The following ITGB1BP2 variants were observed in gnomAD, a reference collection of about 807,000 sequenced individuals.
ITGB1BP2 encodes the protein integrin beta-1-binding protein 2.
In ITGB1BP2, 27 loss-of-function variants were observed where a neutral mutation model predicts 32.2. The observed-to-expected ratio is 0.84, with a 90% CI of 0.62 to 1.16. The LOEUF (loss-of-function observed/expected upper bound fraction) is 1.16, where lower values mean the gene tolerates loss of function less well. Among genes scored for constraint, ITGB1BP2 ranks in the 50% most tolerant of loss-of-function variants. The pLI is 0.00. For missense variants in ITGB1BP2, 250 were observed against 267.3 expected (o/e 0.94, Z 0.45); for synonymous variants, 105 against 94.7 (o/e 1.11, Z -0.63).
chrX:71,302,502 A>T lies in ITGB1BP2; in HGVS notation c.263A>T (p.Lys88Ile). Residue 88 changes from lysine to isoleucine, a missense_variant, in exon 4 of 11, where the codon AAA (lysine) becomes ATA (isoleucine). Coordinates refer to ENST00000373829, the MANE Select transcript of ITGB1BP2 (RefSeq NM_012278.4). ...PATSSSLQEQ[K>I]PLNVIPKSAE... ...ACAAGCAGTTCACTTCAGGAGCAAA[A>T]ACCTCTGAATGTGATTCCAAAGTCA... 8.3e-7 allele frequency: 1 copy of T among 1,210,687 alleles called. No homozygotes were observed. The highest frequency in any genetic ancestry group is 1.1e-6 in the Non-Finnish European group (1 of 895,113).
chrX:71,304,110 TCTC>T, intron 8 of ITGB1BP2, 74 bp from the exon 9 acceptor site: 2 of 829,614 alleles, frequency 2.4e-6, no homozygotes, highest in Non-Finnish European at 3.6e-6. Context: ...CTCTGTCTCT[TCTC>T]CACGTGCATC....
chrX:71,304,883 A>G (rs745395823), intron 10 of ITGB1BP2, 82 bp from the exon 11 acceptor site: 14 of 766,409 alleles, frequency 1.8e-5, no homozygotes, highest in Middle Eastern at 3.5e-4. Flanking sequence ...TCTCTCTCTC[A>G]TTTGTCACCA....
Position 71,304,522 on chromosome X carries a change from CT to C in ITGB1BP2, c.754-19del. The C allele has an allele frequency of 8.3e-7, 1 of 1,200,067 alleles. No homozygotes were observed. The highest frequency in any genetic ancestry group is 1.1e-6 in the Non-Finnish European group (1 of 886,596). On this transcript the variant is annotated intron_variant, in intron 9 of 10. Transcript: ENST00000373829. ...TGACCTTCTGGGTTTGTTACTACCC[CT>C]GTAATTCTTTTCTCTCAGCTTCATG...
Position 71,305,240 on chromosome X carries a change from G to A in ITGB1BP2, c.*48G>A, listed in dbSNP as rs1319954667. The A allele has an allele frequency of 1.2e-5, 12 of 1,042,213 alleles. No individual in the cohort carries two copies. Among genetic ancestry groups the A allele is most frequent in the Non-Finnish European group, 1.6e-5 (12 of 764,625 alleles). The allele number at this position is 1,042,213 out of a possible 1,213,427, so 85.9% of individuals were successfully genotyped here. On this transcript the variant is annotated 3_prime_UTR_variant, in exon 11 of 11. Transcript: ENST00000373829. ...AGATAGGACCTCAATGATTCCCTTA[G>A]AATCTTAGATACCAGGATATTGTTG...
chrX:71,303,524 A>AGAGTTTT lies in ITGB1BP2; in HGVS notation c.468+12_468+18dup, dbSNP rs2031649140. ...AACCCAGGATGTGATGCTGTGAGTG[A>AGAGTTTT]GAGTTTTGAGGGGCTCAAGCATATG... On this transcript the variant is annotated intron_variant, in intron 6 of 10. Transcript: ENST00000373829. The AGAGTTTT allele has an allele frequency of 2.5e-6, 3 of 1,208,670 alleles. No homozygotes were observed. The highest frequency in any genetic ancestry group is 3.4e-6 in the Non-Finnish European group (3 of 894,802).
Position 71,302,493 on chromosome X carries a change from A to T in ITGB1BP2, c.254A>T (p.Gln85Leu). 8.3e-7 allele frequency: 1 copy of T among 1,211,170 alleles called. No individual in the cohort carries two copies. The highest frequency in any genetic ancestry group is 1.7e-5 in the African/African-American group (1 of 57,737). The change falls in exon 4 of 11, where the codon CAG (glutamine) becomes CTG (leucine). Residue 85 changes from glutamine to leucine, a missense_variant. By Grantham distance (113) the Gln-to-Leu change is moderately radical (BLOSUM62 -2). Transcript: ENST00000373829. ...PEGPATSSSL[Q>L]EQKPLNVIPK... ...GGCCCTGCTACAAGCAGTTCACTTC[A>T]GGAGCAAAAACCTCTGAATGTGATT...
intron 10 of ITGB1BP2, 35 bp from the exon 11 acceptor site, chrX:71,304,930 C>A: frequency 8.9e-7 from 1 of 1,122,294 alleles, no homozygotes; most frequent in Non-Finnish European, 1.2e-6. Context: ...TTTCCTCATT[C>A]TCTCTTTCTT....
intron 1 of ITGB1BP2, 47 bp from the exon 2 acceptor site, chrX:71,302,090 G>A: frequency 8.6e-7 from 1 of 1,160,375 alleles, no homozygotes; most frequent in Non-Finnish European, 1.2e-6. Flanking sequence ...AATGATACTT[G>A]GTATAGTTAT....
chrX:71,302,121 C>A lies in ITGB1BP2; in HGVS notation c.65-16C>A, dbSNP rs893821787. 9 of 1,204,865 alleles carry A rather than the reference C, an allele frequency of 7.5e-6. No homozygotes were observed. The highest frequency in any genetic ancestry group is 5.3e-5 in the African/African-American group (3 of 56,427). On this transcript the variant is annotated splice_polypyrimidine_tract_variant and intron_variant, in intron 1 of 10. Transcript: ENST00000373829. ...GTTATCTTCCCTTCCTTGATAACTTCTACTGATGTCCACAGATTCCTGTTG... is the reference window on the plus strand; with the variant it reads ...GTTATCTTCCCTTCCTTGATAACTTATACTGATGTCCACAGATTCCTGTTG...
At chrX:71,302,028 TTCACA>T (rs2148046142) in intron 1 of ITGB1BP2, 104 bp from the exon 2 acceptor site, 2 of 924,500 alleles carry the variant, frequency 2.2e-6, no homozygotes, top group Admixed American at 3.4e-5. Context: ...TTTTTTTTTC[TTCACA>T]TTATATGGGA....
rs752523804 is a variant in ITGB1BP2 at position 71,303,716 on chromosome X, T to C, written c.539+19T>C. ...ATGAGGGGTGAGGGAGGGGACTGGGTGGGCTATGAGGCTATGAGACAGGTT... is the reference window on the plus strand; with the variant it reads ...ATGAGGGGTGAGGGAGGGGACTGGGCGGGCTATGAGGCTATGAGACAGGTT... On this transcript the variant is annotated intron_variant, in intron 7 of 10. Coordinates refer to ENST00000373829, the MANE Select transcript of ITGB1BP2 (RefSeq NM_012278.4). 8.3e-6 allele frequency: 10 copies of C among 1,201,606 alleles called. No homozygotes were observed. Among genetic ancestry groups the C allele is most frequent in the Non-Finnish European group, 1.1e-5 (10 of 886,757 alleles).
rs1402603806 is a variant in ITGB1BP2 at position 71,305,256 on chromosome X, G to A, written c.*64G>A. 3 of 988,934 alleles carry A rather than the reference G, an allele frequency of 3.0e-6. No homozygotes were observed. The highest frequency in any genetic ancestry group is 4.1e-6 in the Non-Finnish European group (3 of 723,368). 81.5% of individuals were successfully genotyped at this position (988,934 alleles called of 1,213,427 possible). A position where few individuals can be genotyped will look rare whatever the true frequency, so the allele number is the denominator to read the frequency against. The stretch of plus-strand genomic sequence containing the variant: ...ATTCCCTTAGAATCTTAGATACCAG[G>A]ATATTGTTGGCCATGTGGCATCATT... On this transcript the variant is annotated 3_prime_UTR_variant, in exon 11 of 11. Coordinates refer to ENST00000373829, the MANE Select transcript of ITGB1BP2 (RefSeq NM_012278.4).
At chrX:71,302,648 A>G in intron 4 of ITGB1BP2, 92 bp downstream of exon 4, 1 of 966,598 alleles carries the variant, frequency 1.0e-6, no homozygotes, top group African/African-American at 2.0e-5. Flanking sequence ...ACTAGGGACC[A>G]GGGATGTGAG....
In ITGB1BP2 at chrX:71,304,823, C is replaced by T. The variant is rs1431250800; in HGVS notation, c.817-142C>T. ...ATCTCTCATTTCTTTCCTCTCTCTC[C>T]CTTATTGTCTTATTCCTCCCTTACC... On this transcript the variant is annotated intron_variant, in intron 10 of 10. Transcript: ENST00000373829. 1.6e-5 allele frequency: 8 copies of T among 499,918 alleles called. No individual in the cohort carries two copies. The African/African-American group carries it at 1.7e-4, about 11-fold the overall frequency. 41.2% of individuals were successfully genotyped at this position (499,918 alleles called of 1,213,427 possible).
rs1423609167 is a variant in ITGB1BP2 at position 71,301,785 on chromosome X, T to G, written c.-22T>G. On this transcript the variant is annotated 5_prime_UTR_variant, in exon 1 of 11. Coordinates refer to ENST00000373829, the MANE Select transcript of ITGB1BP2 (RefSeq NM_012278.4). ...CAGACTCCTTGAAATACCCTTTCAG[T>G]AATCATTCAACCAACGCTTCCATGT... 8.3e-7 allele frequency: 1 copy of G among 1,198,145 alleles called. No individual in the cohort carries two copies. The highest frequency in any genetic ancestry group is 2.2e-5 in the Admixed American group (1 of 45,840).
Position 71,301,849 on chromosome X carries a change from G to C in ITGB1BP2, c.43G>C (p.Asp15His), listed in dbSNP as rs767791787. ...CRNKGCGQHF[D>H]PNTNLPDSCC... ...TAACAAAGGCTGTGGGCAGCACTTT[G>C]ACCCTAATACCAACCTTCCTGGTGA... Residue 15 changes from aspartate to histidine, a missense_variant, in exon 1 of 11, where the codon GAC becomes CAC. Asp to His is a moderately conservative substitution (Grantham distance 81). Coordinates refer to ENST00000373829, the MANE Select transcript of ITGB1BP2 (RefSeq NM_012278.4). 1.3e-5 allele frequency: 16 copies of C among 1,206,897 alleles called. No homozygotes were observed. Among genetic ancestry groups the C allele is most frequent in the African/African-American group, 1.8e-5 (1 of 56,896 alleles).
In ITGB1BP2 at chrX:71,305,076, G is replaced by C. The variant is rs1232050762; in HGVS notation, c.928G>C (p.Ala310Pro). ...CCAGCTGGAGCACCCTGATGCACTA[G>C]CTAAGAAGGCTAGGGCAGGGGTTGT... ...WAQLEHPDAL[A>P]KKARAGVVLE... is the part of the protein sequence containing the mutation. Residue 310 changes from alanine to proline, a missense_variant, in exon 11 of 11, where the codon GCT (alanine) becomes CCT (proline). By Grantham distance (27) the Ala-to-Pro change is conservative (BLOSUM62 -1). Coordinates refer to ENST00000373829, the MANE Select transcript of ITGB1BP2 (RefSeq NM_012278.4). The C allele has an allele frequency of 8.3e-7, 1 of 1,209,639 alleles. No homozygotes were observed. The highest frequency in any genetic ancestry group is 2.2e-5 in the Admixed American group (1 of 45,606).
chrX:71,301,895 CA>C (rs1334262715), intron 1 of ITGB1BP2, 25 bp downstream of exon 1: 1 of 1,168,418 alleles, frequency 8.6e-7, no homozygotes, highest in African/African-American at 1.8e-5. Context: ...CTGACCTGGC[CA>C]GGGGCTCTGT....
chrX:71,304,900 C>T, intron 10 of ITGB1BP2, 65 bp from the exon 11 acceptor site: 2 of 945,577 alleles, frequency 2.1e-6, no homozygotes, highest in Non-Finnish European at 3.0e-6. Flanking sequence ...ACCACTCCAC[C>T]CTGACCCCAA....
Sources: gnomAD v4.1 joint callset for allele counts on GRCh38, gnomAD v4.1.1 for gene constraint, MANE v1.5 for transcripts, NCBI Gene and HGNC (gene_info 2026-07-23, HGNC 2026-07-21) for gene names.